The following NKAIN2 variants were observed in gnomAD, a reference collection of about 807,000 sequenced individuals.
NKAIN2 encodes the protein sodium/potassium transporting ATPase interacting 2.
In NKAIN2, 14 loss-of-function variants were observed where a neutral mutation model predicts 32.6. The observed-to-expected ratio is 0.43, with a 90% CI of 0.28 to 0.67. NKAIN2 has a LOEUF of 0.67. NKAIN2 is among the 30% of genes least tolerant of loss of function. The pLI, the probability that NKAIN2 is intolerant of heterozygous loss-of-function variation, is 0.17. For missense variants in NKAIN2, 198 were observed against 258.3 expected (o/e 0.77, Z 1.60); for synonymous variants, 80 against 87.2 (o/e 0.92, Z 0.46).
intron 1 of NKAIN2, among the ~76,000 whole-genome samples, chr6:124,085,969 A>G (rs1336012564): frequency 6.6e-6 from 1 of 152,006 alleles, no homozygotes; most frequent in Non-Finnish European, 1.5e-5. Flanking sequence ...TTCATACTAA[A>G]CAGTATCAGT....
intron 1 of NKAIN2, among the ~76,000 whole-genome samples, chr6:124,119,326 A>G (rs1329170646): frequency 6.6e-6 from 1 of 152,224 alleles, no homozygotes; most frequent in African/African-American, 2.4e-5. Flanking sequence ...CATGGAAAGT[A>G]CAATAATAAA....
intron 3 of NKAIN2, among the ~76,000 whole-genome samples, chr6:124,568,797 T>C (rs1262870973): frequency 7.4e-6 from 1 of 134,632 alleles, no homozygotes; most frequent in Non-Finnish European, 1.5e-5. Flanking sequence ...TGTTTTCCAT[T>C]ATTATTGCTA....
chr6:123,949,768 C>T (rs1228864027), intron 1 of NKAIN2, among the ~76,000 whole-genome samples: 1 of 151,932 alleles, frequency 6.6e-6, no homozygotes, highest in Admixed American at 6.6e-5. Flanking sequence ...ACTTATTCTT[C>T]TTCAATTTTG....
chr6:124,321,634 A>G (rs1190156201), intron 2 of NKAIN2, among the ~76,000 whole-genome samples: 1 of 152,148 alleles, frequency 6.6e-6, no homozygotes, highest in Non-Finnish European at 1.5e-5. Flanking sequence ...TGCTTACAAC[A>G]AACATCCAGT....
intron 1 of NKAIN2, among the ~76,000 whole-genome samples, chr6:124,075,798 G>C (rs1018544966): frequency 1.3e-5 from 2 of 152,102 alleles, no homozygotes; most frequent in African/African-American, 4.8e-5. Flanking sequence ...GTTTCCCCAT[G>C]TTGGCCAGGC....
intron 4 of NKAIN2, among the ~76,000 whole-genome samples, chr6:124,676,595 T>C (rs1419514264): frequency 6.6e-6 from 1 of 152,160 alleles, no homozygotes; most frequent in African/African-American, 2.4e-5. Context: ...CTCTTGTGAC[T>C]ATTTATTATT....
At chr6:124,274,822 A>T (rs1195758027) in intron 1 of NKAIN2, among the ~76,000 whole-genome samples, 1 of 152,046 alleles carries the variant, frequency 6.6e-6, no homozygotes, top group East Asian at 1.9e-4. Context: ...TAAAAAAATT[A>T]AGCTAAAAAT....
chr6:124,801,096 C>T (rs1780235907), intron 5 of NKAIN2, among the ~76,000 whole-genome samples: 1 of 152,138 alleles, frequency 6.6e-6, no homozygotes, highest in Non-Finnish European at 1.5e-5. Context: ...CCCGACTGTC[C>T]TATCCAAGGC....
At chr6:124,154,527 A>C (rs1390777181) in intron 1 of NKAIN2, among the ~76,000 whole-genome samples, 1 of 151,966 alleles carries the variant, frequency 6.6e-6, no homozygotes, top group Non-Finnish European at 1.5e-5. Context: ...TTTCCTAAGA[A>C]AATTATACTG....
At chr6:124,203,128 A>G (rs1379796827) in intron 1 of NKAIN2, among the ~76,000 whole-genome samples, 1 of 151,884 alleles carries the variant, frequency 6.6e-6, no homozygotes, top group Non-Finnish European at 1.5e-5. Context: ...GAGTCATTGA[A>G]ATATTTTCCC....
At chr6:124,531,025 A>G (rs1779506991) in intron 3 of NKAIN2, among the ~76,000 whole-genome samples, 1 of 152,204 alleles carries the variant, frequency 6.6e-6, no homozygotes, top group Non-Finnish European at 1.5e-5. Flanking sequence ...AGACATATCC[A>G]GATATAATGA....
intron 1 of NKAIN2, among the ~76,000 whole-genome samples, chr6:123,887,003 C>G (rs986159482): frequency 1.3e-5 from 2 of 151,978 alleles, no homozygotes; most frequent in Non-Finnish European, 2.9e-5. Context: ...GAAAGTGAGC[C>G]CATATATTAA....
chr6:124,359,405 C>A (rs1799159256), intron 3 of NKAIN2, among the ~76,000 whole-genome samples: 1 of 152,160 alleles, frequency 6.6e-6, no homozygotes, highest in Admixed American at 6.5e-5. Flanking sequence ...TACGCATGAG[C>A]ATGGAATGTT....
At position 124,521,260 on chromosome 6, in the gene NKAIN2, G is replaced by A. The variant is rs143298707; in HGVS notation, c.274-136926G>A. On this transcript the variant is annotated intron_variant, in intron 3 of 6. Transcript: ENST00000368417. ...GCATTCATCGTTTTACCATTAGTATGATGTTGACTGTAGGTGTTTTCTATA... is the reference window on the plus strand; with the variant it reads ...GCATTCATCGTTTTACCATTAGTATAATGTTGACTGTAGGTGTTTTCTATA... Among the ~76,000 whole-genome samples, 72 of 152,294 alleles carry A rather than the reference G, an allele frequency of 4.7e-4. No individual in the cohort carries two copies. The East Asian group carries it at 0.013, about 28-fold the overall frequency.
chr6:124,424,236 G>A (rs748602291), intron 3 of NKAIN2, among the ~76,000 whole-genome samples: 27 of 151,994 alleles, frequency 1.8e-4, no homozygotes, highest in African/African-American at 2.4e-4. Flanking sequence ...CTCATGATCC[G>A]TCTGCTCGGC....
intron 1 of NKAIN2, among the ~76,000 whole-genome samples, chr6:123,959,308 G>A (rs1469309559): frequency 1.3e-5 from 2 of 152,138 alleles, no homozygotes; most frequent in African/African-American, 4.8e-5. Flanking sequence ...GGAGCTCTTT[G>A]CCCTGTAGCA....
chr6:124,134,995 TC>T (rs968148105), intron 1 of NKAIN2, among the ~76,000 whole-genome samples: 1 of 152,050 alleles, frequency 6.6e-6, no homozygotes, highest in Non-Finnish European at 1.5e-5. Context: ...ATCTTTAGAC[TC>T]CTCAAACAAA....
At chr6:124,035,307 G>A (rs1158068116) in intron 1 of NKAIN2, among the ~76,000 whole-genome samples, 6 of 152,026 alleles carry the variant, frequency 3.9e-5, no homozygotes, top group Non-Finnish European at 5.9e-5. Flanking sequence ...AACCTTAACT[G>A]TAAATTAGAG....
At chr6:124,292,717 G>A (rs1307755695) in intron 2 of NKAIN2, among the ~76,000 whole-genome samples, 2 of 151,950 alleles carry the variant, frequency 1.3e-5, no homozygotes, top group African/African-American at 4.8e-5. Flanking sequence ...ATGGAGAATT[G>A]CTTACAAGAT....
Sources: gnomAD v4.1 joint callset for allele counts (sites outside exome capture counted in the v4.1 genomes callset) on GRCh38, gnomAD v4.1.1 for gene constraint, MANE v1.5 for transcripts, NCBI Gene and HGNC (gene_info 2026-07-23, HGNC 2026-07-21) for gene names.